SPECC1: variants seen among roughly 807,000 people sequenced by gnomAD.
The protein encoded by SPECC1 is cytospin-B.
SPECC1 carries 62 observed loss-of-function variants against 104.1 expected under a neutral mutation model. The observed-to-expected ratio is 0.60, with a 90% confidence interval of 0.49 to 0.74. The LOEUF (loss-of-function observed/expected upper bound fraction) is 0.74, where lower values mean the gene tolerates loss of function less well. Among genes scored for constraint, SPECC1 ranks in the 30% least tolerant of loss-of-function variants. SPECC1 has a pLI of 0.00. For synonymous variants in SPECC1, 513 were observed against 501.6 expected (o/e 1.02, Z -0.30); for missense variants, 1,306 against 1,310.5 (o/e 1.00, Z 0.05).
At chr17:20,234,911 A>G (rs951670194) in intron 7 of SPECC1, among the ~76,000 whole-genome samples, 1 of 152,238 alleles carries the variant, frequency 6.6e-6, no homozygotes, top group African/African-American at 2.4e-5. Flanking sequence ...TTACACTTTC[A>G]CAGATATTTT....
At position 20,231,801 on chromosome 17, in the gene SPECC1, G is replaced by GC; in HGVS notation, c.2116dup (p.Gln706ProfsTer32). On this transcript the variant is annotated frameshift_variant, in exon 6 of 15. Coordinates refer to ENST00000395527, the MANE Select transcript of SPECC1 (RefSeq NM_001243439.2). LOFTEE classifies it high-confidence loss of function. ...AGGAACAGAAGTCAGACCTGGAGAG[G>GC]CAGCTGAAGACTCTGACCAAGCAGA... 6.2e-7 allele frequency: 1 copy of GC among 1,614,088 alleles called. No homozygotes were observed. The highest frequency in any genetic ancestry group is 8.5e-7 in the Non-Finnish European group (1 of 1,179,998).
intron 3 of SPECC1, chr17:20,112,953 T>C (rs1467117867): frequency 1.5e-6 from 2 of 1,314,546 alleles, no homozygotes; most frequent in East Asian, 2.3e-5. Flanking sequence ...TTTGAAGAGA[T>C]GCTAACACCA....
intron 12 of SPECC1, among the ~76,000 whole-genome samples, chr17:20,287,402 C>T (rs928163979): frequency 4.1e-5 from 5 of 123,154 alleles, no homozygotes; most frequent in Non-Finnish European, 8.0e-5. Context: ...CCGGCCTGGG[C>T]GACAGAGCGA....
At chr17:20,229,820 G>T (rs533304725) in intron 5 of SPECC1, among the ~76,000 whole-genome samples, 1 of 152,350 alleles carries the variant, frequency 6.6e-6, no homozygotes, top group East Asian at 1.9e-4. Flanking sequence ...TTTGTGAGAT[G>T]ACAGCCAGTT....
intron 12 of SPECC1, among the ~76,000 whole-genome samples, chr17:20,281,365 T>C (rs1598134755): frequency 6.6e-6 from 1 of 152,268 alleles, no homozygotes; most frequent in Admixed American, 6.5e-5. Flanking sequence ...GCTCGCCCTT[T>C]CCTGAAGCCC....
At chr17:20,096,392 G>A (rs577405964) in intron 1 of SPECC1, among the ~76,000 whole-genome samples, 1 of 152,270 alleles carries the variant, frequency 6.6e-6, no homozygotes, top group South Asian at 2.1e-4. Flanking sequence ...GTGATGTCAG[G>A]ACATCAGTAA....
chr17:20,217,187 A>G (rs193004890), intron 4 of SPECC1, among the ~76,000 whole-genome samples: 1 of 152,142 alleles, frequency 6.6e-6, no homozygotes, highest in East Asian at 1.9e-4. Flanking sequence ...AAATGAATAT[A>G]AAAATATCTG....
chr17:20,150,438 G>C (rs552469314), intron 3 of SPECC1, among the ~76,000 whole-genome samples: 1 of 151,842 alleles, frequency 6.6e-6, no homozygotes, highest in East Asian at 2.0e-4. Flanking sequence ...TCGGGAGTTC[G>C]AGACTAGCCT....
rs1367630534 is a variant in SPECC1 at position 20,205,047 on chromosome 17, AC to A, written c.999del (p.His333GlnfsTer33). On this transcript the variant is annotated frameshift_variant, in exon 4 of 15. Transcript: ENST00000395527. LOFTEE classifies it high-confidence loss of function. ...TCGCCAGATGCTTCCGACTTTGAGC[AC>A]ATTACAGCAGAGACACCCTCAAGGC... ...SLSPDASDFE[H>X]ITAETPSRPL... is the part of the protein sequence containing the mutation. 1 of 1,614,028 alleles carries A rather than the reference AC, an allele frequency of 6.2e-7. No individual in the cohort carries two copies. Among genetic ancestry groups the A allele is most frequent in the Non-Finnish European group, 8.5e-7 (1 of 1,180,002 alleles).
intron 3 of SPECC1, among the ~76,000 whole-genome samples, chr17:20,141,170 TC>T (rs1175797054): frequency 1.3e-5 from 2 of 152,206 alleles, no homozygotes. Context: ...TTTCTTGAGC[TC>T]CTTTCAACAG....
At position 20,163,761 on chromosome 17, in the gene SPECC1, A is replaced by G. The variant is rs146737877; in HGVS notation, c.284-40572A>G. 1.6e-3 allele frequency among the ~76,000 whole-genome samples: 239 copies of G among 152,100 alleles called. 2 individuals are homozygous for G. Among genetic ancestry groups the G allele is most frequent in the African/African-American group, 5.4e-3 (224 of 41,488 alleles). ...TTTTTTATAGAGACGGGGTCTTGCT[A>G]TATTGCCCTGGCTGGTCTTGAACTC... On this transcript the variant is annotated intron_variant, in intron 3 of 14. Transcript: ENST00000395527.
chr17:20,238,721 A>C, intron 7 of SPECC1: 1 of 1,042,048 alleles, frequency 9.6e-7, no homozygotes, highest in Non-Finnish European at 1.2e-6. Flanking sequence ...AGGATTATTT[A>C]AAATTCATTT....
chr17:20,113,686 C>T (rs906497872), intron 3 of SPECC1, among the ~76,000 whole-genome samples: 5 of 152,124 alleles, frequency 3.3e-5, no homozygotes, highest in African/African-American at 4.8e-5. Context: ...AGTGGAACTC[C>T]GGATGGAGGA....
At chr17:20,299,579 A>G (rs1251565018) in intron 13 of SPECC1, among the ~76,000 whole-genome samples, 2 of 116,608 alleles carry the variant, frequency 1.7e-5, no homozygotes, top group East Asian at 2.3e-4. Flanking sequence ...AAAAAAAAAA[A>G]GAAAAGAAAA....
chr17:20,021,702 A>ATATTTTTT (rs1402960712), intron 1 of SPECC1, among the ~76,000 whole-genome samples: 11 of 139,276 alleles, frequency 7.9e-5, no homozygotes, highest in African/African-American at 2.7e-4. Flanking sequence ...ATATATATAT[A>ATATTTTTT]TTTTTTTGTA....
chr17:20,237,992 T>C (rs1227581072), intron 7 of SPECC1: 1 of 1,008,426 alleles, frequency 9.9e-7, no homozygotes, highest in Non-Finnish European at 1.2e-6. Flanking sequence ...TCTGGCCGCC[T>C]CAGCCTCCCA....
intron 3 of SPECC1, among the ~76,000 whole-genome samples, chr17:20,183,946 G>A (rs1383160126): frequency 6.6e-6 from 1 of 151,682 alleles, no homozygotes; most frequent in African/African-American, 2.4e-5. Flanking sequence ...CGAGGCAGGC[G>A]GATTGTCTGA....
At chr17:20,140,257 A>G (rs960908787) in intron 3 of SPECC1, among the ~76,000 whole-genome samples, 2 of 152,218 alleles carry the variant, frequency 1.3e-5, no homozygotes, top group African/African-American at 2.4e-5. Flanking sequence ...ATTGTCTTAC[A>G]GTGGTCTTGT....
intron 12 of SPECC1, among the ~76,000 whole-genome samples, chr17:20,287,839 A>C (rs2041010862): frequency 6.6e-6 from 1 of 151,852 alleles, no homozygotes; most frequent in Non-Finnish European, 1.5e-5. Flanking sequence ...GTACATGTGC[A>C]GGATGTGCAG....
Sources: gnomAD v4.1 joint callset for allele counts (sites outside exome capture counted in the v4.1 genomes callset) on GRCh38, gnomAD v4.1.1 for gene constraint, MANE v1.5 for transcripts, NCBI Gene and HGNC (gene_info 2026-07-23, HGNC 2026-07-21) for gene names.